The following CACNA1C variants were observed in gnomAD, a reference collection of about 807,000 sequenced individuals.
The protein encoded by CACNA1C is calcium voltage-gated channel subunit alpha1 C.
CACNA1C carries 30 observed loss-of-function variants against 229.0 expected under a neutral mutation model. That is an observed-to-expected ratio of 0.13 (90% confidence interval 0.10 to 0.18). The LOEUF is 0.18. Ranked by LOEUF, CACNA1C falls within the 10% of genes least tolerant of loss-of-function variation. The pLI is 1.00. For missense variants in CACNA1C, 1,658 were observed against 2,845.0 expected (o/e 0.58, Z 9.49); for synonymous variants, 1,114 against 1,132.5 (o/e 0.98, Z 0.33).
intron 3 of CACNA1C, among the ~76,000 whole-genome samples, chr12:2,447,299 A>G (rs1219541104): frequency 6.6e-6 from 1 of 152,146 alleles, no homozygotes; most frequent in Non-Finnish European, 1.5e-5. Flanking sequence ...CTGCCTCCCT[A>G]AACCAATTTT....
At chr12:2,421,826 G>A (rs2098982168) in intron 3 of CACNA1C, among the ~76,000 whole-genome samples, 1 of 151,938 alleles carries the variant, frequency 6.6e-6, no homozygotes, top group Admixed American at 6.6e-5. Flanking sequence ...CAGGGGAATC[G>A]CTTGAACCTG....
chr12:2,288,986 G>A (rs958488208), intron 3 of CACNA1C: 1 of 152,240 alleles, frequency 6.6e-6, no homozygotes, highest in Admixed American at 6.5e-5. Flanking sequence ...CTGCCGGTCG[G>A]GTTAAGAGGG....
At chr12:2,607,275 T>G in intron 26 of CACNA1C, 145 bp downstream of exon 26, 1 of 759,024 alleles carries the variant, frequency 1.3e-6, no homozygotes, top group Non-Finnish European at 2.1e-6. Context: ...TGAGGTGTAT[T>G]TCTAGAACTT....
intron 9 of CACNA1C, among the ~76,000 whole-genome samples, chr12:2,513,378 T>G (rs2099789164): frequency 6.6e-6 from 1 of 152,224 alleles, no homozygotes; most frequent in African/African-American, 2.4e-5. Context: ...CCTGGAAAAC[T>G]TTATACCTGC....
chr12:2,617,351 C>T (rs1241027716), intron 29 of CACNA1C, among the ~76,000 whole-genome samples: 3 of 152,238 alleles, frequency 2.0e-5, no homozygotes, highest in Non-Finnish European at 2.9e-5. Flanking sequence ...GCCCCGGTCT[C>T]ACTGACACAT....
At chr12:2,075,097 T>C (rs1397685341) in intron 1 of CACNA1C, among the ~76,000 whole-genome samples, 1 of 152,218 alleles carries the variant, frequency 6.6e-6, no homozygotes, top group Non-Finnish European at 1.5e-5. Flanking sequence ...ATAAACAGTT[T>C]AGAGCCATGA....
intron 3 of CACNA1C, among the ~76,000 whole-genome samples, chr12:2,158,346 C>T (rs987081773): frequency 7.2e-5 from 11 of 152,102 alleles, no homozygotes; most frequent in South Asian, 2.1e-4. Flanking sequence ...GAGGCAGAGG[C>T]GGGTGGATCG....
chr12:2,100,478 A>C (rs1170518296), intron 1 of CACNA1C, among the ~76,000 whole-genome samples: 1 of 69,484 alleles, frequency 1.4e-5, no homozygotes, highest in African/African-American at 4.2e-5. Context: ...AAAAAAAAAA[A>C]ACAAAAAAAA....
At chr12:2,088,978 G>A (rs1052662104) in intron 1 of CACNA1C, among the ~76,000 whole-genome samples, 10 of 152,266 alleles carry the variant, frequency 6.6e-5, no homozygotes, top group East Asian at 5.8e-4. Context: ...GGCTGTGCGC[G>A]CAGACCTATA....
intron 3 of CACNA1C, among the ~76,000 whole-genome samples, chr12:2,390,575 C>T (rs907586458): frequency 2.0e-5 from 3 of 152,150 alleles, no homozygotes; most frequent in African/African-American, 2.4e-5. Flanking sequence ...GCTTTATGGA[C>T]GAAGTGCTTT....
intron 3 of CACNA1C, among the ~76,000 whole-genome samples, chr12:2,425,123 C>T (rs2099016976): frequency 6.6e-6 from 1 of 152,234 alleles, no homozygotes; most frequent in East Asian, 1.9e-4. Flanking sequence ...TGCTAGGTAG[C>T]ATAGAAACCT....
At chr12:2,411,703 A>C (rs1382075211) in intron 3 of CACNA1C, among the ~76,000 whole-genome samples, 1 of 149,960 alleles carries the variant, frequency 6.7e-6, no homozygotes, top group African/African-American at 2.5e-5. Flanking sequence ...GAATCCAATA[A>C]GAAGAAGATT....
At chr12:2,587,241 A>G (rs1215597666) in intron 18 of CACNA1C, among the ~76,000 whole-genome samples, 2 of 152,254 alleles carry the variant, frequency 1.3e-5, no homozygotes, top group Non-Finnish European at 2.9e-5. Flanking sequence ...AGATAAATGG[A>G]ACAAGATTAG....
At position 2,691,479 on chromosome 12, in the gene CACNA1C, C is replaced by T. The variant is rs1225051147; in HGVS notation, c.*280C>T. The T allele has an allele frequency of 2.5e-5, 9 of 366,998 alleles. No homozygotes were observed. Among genetic ancestry groups the T allele is most frequent in the Non-Finnish European group, 4.3e-5 (9 of 207,450 alleles). The allele number at this position is 366,998 out of a possible 1,614,324, so 22.7% of individuals were successfully genotyped here. A position where few individuals can be genotyped will look rare whatever the true frequency, so the allele number is the denominator to read the frequency against. Reference sequence around the variant, plus strand: ...CTCGCAGGCCCCGGGCCCGGCCGCGCCTCCGCGGGGAGAGCACCCCGGCTT... The same window carrying T: ...CTCGCAGGCCCCGGGCCCGGCCGCGTCTCCGCGGGGAGAGCACCCCGGCTT... On this transcript the variant is annotated 3_prime_UTR_variant, in exon 47 of 47. Transcript: ENST00000399655.
chr12:2,027,065 G>T (rs1278762258), intron 1 of CACNA1C, among the ~76,000 whole-genome samples: 1 of 152,166 alleles, frequency 6.6e-6, no homozygotes, highest in Non-Finnish European at 1.5e-5. Context: ...AAATTAAAAT[G>T]GTTATTTTTT....
At chr12:2,454,609 C>A (rs1385604096) in intron 4 of CACNA1C, among the ~76,000 whole-genome samples, 1 of 152,194 alleles carries the variant, frequency 6.6e-6, no homozygotes, top group African/African-American at 2.4e-5. Flanking sequence ...AACCAGAGAT[C>A]TGCTTGGTAC....
chr12:2,461,198 C>T (rs1374603921), intron 5 of CACNA1C, among the ~76,000 whole-genome samples: 1 of 152,212 alleles, frequency 6.6e-6, no homozygotes, highest in South Asian at 2.1e-4. Flanking sequence ...TCAGTGATCA[C>T]CGTTACCGCA....
intron 1 of CACNA1C, among the ~76,000 whole-genome samples, chr12:2,038,390 C>G (rs945425685): frequency 2.0e-4 from 30 of 152,192 alleles, no homozygotes; most frequent in African/African-American, 7.0e-4. Context: ...CTTAATCCGA[C>G]TATGTAACAG....
chr12:2,420,900 A>G (rs1370828224), intron 3 of CACNA1C, among the ~76,000 whole-genome samples: 1 of 152,206 alleles, frequency 6.6e-6, no homozygotes, highest in African/African-American at 2.4e-5. Context: ...GGAGCCCCGA[A>G]TGTCCTTGGG....
Sources: gnomAD v4.1 joint callset for allele counts (sites outside exome capture counted in the v4.1 genomes callset) on GRCh38, gnomAD v4.1.1 for gene constraint, MANE v1.5 for transcripts, NCBI Gene and HGNC (gene_info 2026-07-23, HGNC 2026-07-21) for gene names.